USH1G: variants seen among roughly 807,000 people sequenced by gnomAD.
USH1G encodes pre-mRNA splicing regulator USH1G.
In USH1G, 27 loss-of-function variants were observed where a neutral mutation model predicts 31.9. The ratio of observed to expected loss-of-function variants is 0.85; its 90% CI spans 0.62 to 1.17. The LOEUF is 1.17. Ranked by LOEUF, USH1G falls within the 50% of genes most tolerant of loss-of-function variation. USH1G has a pLI of 0.00. For missense variants in USH1G, 674 were observed against 638.9 expected, an observed-to-expected ratio of 1.05 and a Z score of -0.59; for synonymous variants, 266 against 283.2, an observed-to-expected ratio of 0.94 and a Z score of 0.61.
Position 74,918,160 on chromosome 17 carries a change from A to C in USH1G, c.1383-84T>G, listed in dbSNP as rs374441701. 1.7e-5 allele frequency: 27 copies of C among 1,578,444 alleles called. No individual in the cohort carries two copies. The Admixed American group carries it at 4.2e-4, about 25-fold the overall frequency. On this transcript the variant is annotated intron_variant, in intron 2 of 2. Transcript: ENST00000614341. The surrounding 1 kb of genome is among the most constrained non-coding windows in gnomAD (Gnocchi z 4.1). Reference sequence around the variant, plus strand: ...TTTCACCCAGGGCAGCCATCTGGACAACTTAGCCTCCCCATCTCTCGGCAG... The same window carrying C: ...TTTCACCCAGGGCAGCCATCTGGACCACTTAGCCTCCCCATCTCTCGGCAG...
chr17:74,920,645 C>T lies in USH1G; in HGVS notation c.191G>A (p.Trp64Ter), dbSNP rs928656346. Residue 64 changes from tryptophan (W) to a stop codon, truncating the protein, a stop_gained, in exon 2 of 3, where the codon TGG becomes TAG. Coordinates refer to ENST00000614341, the MANE Select transcript of USH1G (RefSeq NM_173477.5). LOFTEE classifies it high-confidence loss of function. This position sits in a 1 kb window ranked among gnomAD's most constrained non-coding sequence, Gnocchi z 5.2. ...TGCCAGATGCAGGGGTGTGTTGCCCCAGATGTCACACTTGTCCGGGTCACC... is the reference window on the plus strand; with the variant it reads ...TGCCAGATGCAGGGGTGTGTTGCCCTAGATGTCACACTTGTCCGGGTCACC... ...RGGDPDKCDI[W>*]GNTPLHLAAS... 5.0e-6 allele frequency: 8 copies of T among 1,613,698 alleles called. No individual in the cohort carries two copies. Among genetic ancestry groups the T allele is most frequent in the Non-Finnish European group, 6.8e-6 (8 of 1,180,032 alleles).
At position 74,920,011 on chromosome 17, in the gene USH1G, C is replaced by A. The variant is rs2038917660; in HGVS notation, c.825G>T (p.Met275Ile). ...KEWGRAPLRD[M>I]FLSDEDSVSR... Reference sequence around the variant, plus strand: ...AGACGCTGTCCTCGTCCGAGAGGAACATGTCCCGGAGCGGGGCTCGGCCCC... The same window carrying A: ...AGACGCTGTCCTCGTCCGAGAGGAAAATGTCCCGGAGCGGGGCTCGGCCCC... The change falls in exon 2 of 3, where the codon ATG becomes ATT. Residue 275 changes from methionine (M) to isoleucine (I), a missense_variant. Transcript: ENST00000614341. The surrounding 1 kb of genome is among the most constrained non-coding windows in gnomAD (Gnocchi z 5.2). The A allele has an allele frequency of 1.9e-6, 3 of 1,612,254 alleles. No individual in the cohort carries two copies. The African/African-American group carries it at 4.0e-5, about 21-fold the overall frequency.
chr17:74,920,632 G>A lies in USH1G; in HGVS notation c.204C>T (p.Pro68=). ...GGCCATTGGAAGCTGCCAGATGCAG[G>A]GGTGTGTTGCCCCAGATGTCACACT... The part of the protein sequence containing the change: ...PDKCDIWGNT[P]LHLAASNGHL... Residue 68 remains proline (P), a synonymous_variant, in exon 2 of 3, where the codon CCC becomes CCT. Transcript: ENST00000614341. This position sits in a 1 kb window ranked among gnomAD's most constrained non-coding sequence, Gnocchi z 5.2. The A allele has an allele frequency of 6.2e-7, 1 of 1,613,842 alleles. No homozygotes were observed. The highest frequency in any genetic ancestry group is 8.5e-7 in the Non-Finnish European group (1 of 1,180,032).
rs747261903 is a variant in USH1G at position 74,920,415 on chromosome 17, G to C, written c.421C>G (p.Arg141Gly). The change falls in exon 2 of 3, where the codon CGC becomes GGC. Residue 141 changes from arginine to glycine, a missense_variant. Arg to Gly is a moderately radical substitution (Grantham distance 125). Coordinates refer to ENST00000614341, the MANE Select transcript of USH1G (RefSeq NM_173477.5). The surrounding 1 kb of genome is among the most constrained non-coding windows in gnomAD (Gnocchi z 5.2). ...TCGCGGATGCGCCGCTCCGCCTCGC[G>C]GAAGGCCTTGTCCTTCAGCTTACCC... The part of the protein sequence containing the change: ...LVGKLKDKAF[R>G]EAERRIRECA... 2.5e-6 allele frequency: 4 copies of C among 1,613,520 alleles called. No homozygotes were observed. Among genetic ancestry groups the C allele is most frequent in the Middle Eastern group, 1.6e-4 (1 of 6,062 alleles).
In USH1G at chr17:74,923,142, T is replaced by C. The variant is rs2038967268; in HGVS notation, c.-69A>G. The C allele has an allele frequency of 1.4e-6, 2 of 1,463,976 alleles. No homozygotes were observed. The highest frequency in any genetic ancestry group is 2.6e-5 in the East Asian group (1 of 39,042). The allele number at this position is 1,463,976 out of a possible 1,614,324, so 90.7% of individuals were successfully genotyped here. A position where few individuals can be genotyped will look rare whatever the true frequency, so the allele number is the denominator to read the frequency against. On this transcript the variant is annotated 5_prime_UTR_variant, in exon 1 of 3. An upstream open reading frame in the 5' UTR loses its in-frame stop. Transcript: ENST00000614341. The surrounding 1 kb of genome is among the most constrained non-coding windows in gnomAD (Gnocchi z 5.3). ...CCCCCCGCAGGGGAGGGCGGCGGTA[T>C]TAGGGCTGAGGCATGAGGTTGGAGG...
At position 74,920,477 on chromosome 17, in the gene USH1G, A is replaced by G. The variant is rs1490382037; in HGVS notation, c.359T>C (p.Ile120Thr). Reference protein sequence around the residue: ...HMECVRYLDSIAAKQSSLNPK... With the variant: ...HMECVRYLDSTAAKQSSLNPK... ...GTTGAGGCTGCTCTGCTTGGCCGCGATGGAGTCCAGGTAGCGCACGCATTC... is the reference window on the plus strand; with the variant it reads ...GTTGAGGCTGCTCTGCTTGGCCGCGGTGGAGTCCAGGTAGCGCACGCATTC... Residue 120 changes from isoleucine to threonine, a missense_variant, in exon 2 of 3, where the codon ATC becomes ACC. Transcript: ENST00000614341. The surrounding 1 kb of genome is among the most constrained non-coding windows in gnomAD (Gnocchi z 5.2). 6.2e-7 allele frequency: 1 copy of G among 1,613,726 alleles called. No individual in the cohort carries two copies. The highest frequency in any genetic ancestry group is 1.7e-5 in the Admixed American group (1 of 60,030).
Position 74,923,084 on chromosome 17 carries a change from G to C in USH1G, c.-11C>G. The C allele has an allele frequency of 6.3e-7, 1 of 1,576,268 alleles. No individual in the cohort carries two copies. The highest frequency in any genetic ancestry group is 8.6e-7 in the Non-Finnish European group (1 of 1,158,904). On this transcript the variant is annotated 5_prime_UTR_variant, in exon 1 of 3. Transcript: ENST00000614341. The surrounding 1 kb of genome is among the most constrained non-coding windows in gnomAD (Gnocchi z 5.3). ...GTACTGGTCGTTCATGGCGCCCGAA[G>C]TGGACGGGGCGGGCGGGGGACACGG...
rs2038890280 is a variant in USH1G at position 74,918,252 on chromosome 17, G to A, written c.1383-176C>T. ...TCCCCATCCCCAAAACTCTGAACCA[G>A]CCTGCCTCCCCACACCCATCCCTGC... On this transcript the variant is annotated intron_variant, in intron 2 of 2. Transcript: ENST00000614341. The surrounding 1 kb of genome is among the most constrained non-coding windows in gnomAD (Gnocchi z 4.1). Among the ~76,000 whole-genome samples the A allele has an allele frequency of 6.6e-6, 1 of 152,108 alleles. No individual in the cohort carries two copies. The highest frequency in any genetic ancestry group is 1.9e-4 in the East Asian group (1 of 5,178).
At position 74,916,867 on chromosome 17, in the gene USH1G, G is replaced by C. The variant is rs1293826147; in HGVS notation, c.*1206C>G. The C allele has an allele frequency of 6.6e-6, 1 of 152,466 alleles. No homozygotes were observed. The highest frequency in any genetic ancestry group is 2.4e-5 in the African/African-American group (1 of 41,306). The allele number at this position is 152,466 out of a possible 1,614,324, so 9.4% of individuals were successfully genotyped here. Reference sequence around the variant, plus strand: ...GGAAACCTACCAAACACCACCCAACGTGAGTGTGCACACACGCACACATGC... The same window carrying C: ...GGAAACCTACCAAACACCACCCAACCTGAGTGTGCACACACGCACACATGC... On this transcript the variant is annotated 3_prime_UTR_variant, in exon 3 of 3. Coordinates refer to ENST00000614341, the MANE Select transcript of USH1G (RefSeq NM_173477.5).
Position 74,918,066 on chromosome 17 carries a change from C to T in USH1G, c.*7G>A, listed in dbSNP as rs754374776. ...ATTCATTTTGGTCTGGGGAGAGGAGCCCCCGGTTATCTGTGGAGGAAGAGA... is the reference window on the plus strand; with the variant it reads ...ATTCATTTTGGTCTGGGGAGAGGAGTCCCCGGTTATCTGTGGAGGAAGAGA... On this transcript the variant is annotated 3_prime_UTR_variant, in exon 3 of 3. Coordinates refer to ENST00000614341, the MANE Select transcript of USH1G (RefSeq NM_173477.5). This position sits in a 1 kb window ranked among gnomAD's most constrained non-coding sequence, Gnocchi z 4.1. The T allele has an allele frequency of 6.2e-7, 1 of 1,613,994 alleles. No individual in the cohort carries two copies. Among genetic ancestry groups the T allele is most frequent in the Non-Finnish European group, 8.5e-7 (1 of 1,179,958 alleles).
Position 74,919,510 on chromosome 17 carries a change from G to A in USH1G, c.1326C>T (p.Ala442=), listed in dbSNP as rs751073735. ...CCATCGCCTGCCGCCGCCTCCTCAC[G>A]GCCCCCAAGATCTTCTTTCGGGGCC... ...PLGPRKKILG[A]VRRRRQAMER... Residue 442 remains alanine, a synonymous_variant, in exon 2 of 3, where the codon GCC becomes GCT. Transcript: ENST00000614341. The surrounding 1 kb of genome is among the most constrained non-coding windows in gnomAD (Gnocchi z 4.5). 1.2e-6 allele frequency: 2 copies of A among 1,610,364 alleles called. No homozygotes were observed. Among genetic ancestry groups the A allele is most frequent in the Non-Finnish European group, 1.7e-6 (2 of 1,179,302 alleles).
In USH1G at chr17:74,920,351, T is replaced by C; in HGVS notation, c.485A>G (p.Glu162Gly). 1.2e-6 allele frequency: 2 copies of C among 1,611,878 alleles called. No homozygotes were observed. Among genetic ancestry groups the C allele is most frequent in the Non-Finnish European group, 1.7e-6 (2 of 1,179,806 alleles). ...KLQRRHHERM[E>G]RRYRRELAER... ...GGCCAGCTCGCGCCGGTATCGCCGC[T>C]CCATGCGTTCGTGGTGCCTCCGCTG... The change falls in exon 2 of 3, where the codon GAG becomes GGG. Residue 162 changes from glutamate to glycine, a missense_variant. By Grantham distance (98) the Glu-to-Gly change is moderately conservative. Transcript: ENST00000614341. The surrounding 1 kb of genome is among the most constrained non-coding windows in gnomAD (Gnocchi z 5.2).
rs914830331 is a variant in USH1G at position 74,919,503 on chromosome 17, T to G, written c.1333A>C (p.Arg445=). The G allele has an allele frequency of 2.5e-6, 4 of 1,609,682 alleles. No homozygotes were observed. The highest frequency in any genetic ancestry group is 2.2e-5 in the East Asian group (1 of 44,830). The part of the protein sequence containing the change: ...PRKKILGAVR[R]RRQAMERPPA... ...GGGCGCTCCATCGCCTGCCGCCGCCTCCTCACGGCCCCCAAGATCTTCTTT... is the reference window on the plus strand; with the variant it reads ...GGGCGCTCCATCGCCTGCCGCCGCCGCCTCACGGCCCCCAAGATCTTCTTT... The change falls in exon 2 of 3, where the codon AGG becomes CGG. Residue 445 remains arginine, a synonymous_variant. Transcript: ENST00000614341. This position sits in a 1 kb window ranked among gnomAD's most constrained non-coding sequence, Gnocchi z 4.5.
rs45562933 is a variant in USH1G at position 74,922,831 on chromosome 17, G to A, written c.164+79C>T. ...GGTCCGCCTGTCTGCAGGGGAAGGA[G>A]GCAGCTCAGAGGAGTGGTGGACGAG... On this transcript the variant is annotated intron_variant, in intron 1 of 2. Coordinates refer to ENST00000614341, the MANE Select transcript of USH1G (RefSeq NM_173477.5). The A allele has an allele frequency of 1.9e-3, 2,726 of 1,468,432 alleles. 2 individuals carry two copies. The highest frequency in any genetic ancestry group is 2.3e-3 in the Non-Finnish European group (2,522 of 1,089,210). The allele number at this position is 1,468,432 out of a possible 1,614,324, so 91.0% of individuals were successfully genotyped here. A position where few individuals can be genotyped will look rare whatever the true frequency, so the allele number is the denominator to read the frequency against.
rs1440077337 is a variant in USH1G at position 74,916,740 on chromosome 17, C to T, written c.*1333G>A. 6.6e-6 allele frequency: 1 copy of T among 152,282 alleles called. No individual in the cohort carries two copies. The highest frequency in any genetic ancestry group is 1.5e-5 in the Non-Finnish European group (1 of 68,098). 9.4% of individuals were successfully genotyped at this position (152,282 alleles called of 1,614,324 possible). A position where few individuals can be genotyped will look rare whatever the true frequency, so the allele number is the denominator to read the frequency against. On this transcript the variant is annotated 3_prime_UTR_variant, in exon 3 of 3. Coordinates refer to ENST00000614341, the MANE Select transcript of USH1G (RefSeq NM_173477.5). ...GTGACCACCCTCTGAGCTGGCCTTT[C>T]CCCTGGTCTCACCACCATCAGAGGG...
chr17:74,919,390 A>AC lies in USH1G; in HGVS notation c.1382+63dup. ...CCTACTCCTGAATAGGCAGATCTGTACCCCCTCCCCAGGGGCCTTCCAACT... is the reference window on the plus strand; with the variant it reads ...CCTACTCCTGAATAGGCAGATCTGTACCCCCCTCCCCAGGGGCCTTCCAACT... On this transcript the variant is annotated intron_variant, in intron 2 of 2. Transcript: ENST00000614341. The surrounding 1 kb of genome is among the most constrained non-coding windows in gnomAD (Gnocchi z 4.5). 2 of 1,430,082 alleles carry AC rather than the reference A, an allele frequency of 1.4e-6. No individual in the cohort carries two copies. Among genetic ancestry groups the AC allele is most frequent in the Non-Finnish European group, 9.2e-7 (1 of 1,082,264 alleles). 88.6% of individuals were successfully genotyped at this position (1,430,082 alleles called of 1,614,324 possible).
At position 74,919,461 on chromosome 17, in the gene USH1G, T is replaced by A; in HGVS notation, c.1375A>T (p.Thr459Ser). The A allele has an allele frequency of 6.2e-7, 1 of 1,606,464 alleles. No homozygotes were observed. The highest frequency in any genetic ancestry group is 8.5e-7 in the Non-Finnish European group (1 of 1,177,478). ...GCCAGGCTGGACACTCACAGCTCTG[T>A]GTCCTCCAGGGCCGGCGGGCGCTCC... ...AMERPPALED[T>S]EL is the part of the protein sequence containing the mutation. Residue 459 changes from threonine to serine, a missense_variant, in exon 2 of 3, where the codon ACA becomes TCA. Transcript: ENST00000614341. The surrounding 1 kb of genome is among the most constrained non-coding windows in gnomAD (Gnocchi z 4.5).
Position 74,917,882 on chromosome 17 carries a change from C to G in USH1G, c.*191G>C, listed in dbSNP as rs1471733273. 2 of 707,836 alleles carry G rather than the reference C, an allele frequency of 2.8e-6. No individual in the cohort carries two copies. Among genetic ancestry groups the G allele is most frequent in the Non-Finnish European group, 2.5e-6 (1 of 407,790 alleles). The allele number at this position is 707,836 out of a possible 1,614,324, so 43.8% of individuals were successfully genotyped here. A position where few individuals can be genotyped will look rare whatever the true frequency, so the allele number is the denominator to read the frequency against. On this transcript the variant is annotated 3_prime_UTR_variant, in exon 3 of 3. Coordinates refer to ENST00000614341, the MANE Select transcript of USH1G (RefSeq NM_173477.5). ...CAGAACTGGAGTTCCGGAACATTCT[C>G]TTGCCCCTCTGGTGCCTCCAGGCCA... is the stretch of plus-strand genomic sequence containing the variant.
rs201644674 is a variant in USH1G at position 74,920,270 on chromosome 17, C to T, written c.566G>A (p.Arg189Gln). 2.4e-3 allele frequency: 3,781 copies of T among 1,603,326 alleles called. 24 individuals are homozygous for T. The highest frequency in any genetic ancestry group is 8.3e-3 in the South Asian group (759 of 91,014). ...SSLTSSTLSR[R>Q]LQHLALGSHL... ...GCTGCCCAGCGCCAGATGCTGCAGCCGGCGGCTCAGGGTGCTGGACGTGAG... is the reference window on the plus strand; with the variant it reads ...GCTGCCCAGCGCCAGATGCTGCAGCTGGCGGCTCAGGGTGCTGGACGTGAG... Residue 189 changes from arginine to glutamine, a missense_variant, in exon 2 of 3, where the codon CGG becomes CAG. Arg to Gln is a conservative substitution (Grantham distance 43). Coordinates refer to ENST00000614341, the MANE Select transcript of USH1G (RefSeq NM_173477.5). The surrounding 1 kb of genome is among the most constrained non-coding windows in gnomAD (Gnocchi z 5.2).
Sources: gnomAD v4.1 joint callset for allele counts (sites outside exome capture counted in the v4.1 genomes callset) on GRCh38, gnomAD v4.1.1 for gene constraint, Gnocchi (gnomAD v3.1) non-coding constraint, MANE v1.5 for transcripts, NCBI Gene and HGNC (gene_info 2026-07-23, HGNC 2026-07-21) for gene names.